Variants in DNAJC8 observed in about 807,000 individuals in gnomAD.
The protein encoded by DNAJC8 is DnaJ heat shock protein family (Hsp40) member C8.
DNAJC8 carries 24 observed loss-of-function variants against 43.2 expected under a neutral mutation model. The ratio of observed to expected loss-of-function variants is 0.56; its 90% CI spans 0.40 to 0.78. The LOEUF (loss-of-function observed/expected upper bound fraction) is 0.78. DNAJC8 is among the 30% of genes least tolerant of loss of function. The pLI, the probability that DNAJC8 is intolerant of heterozygous loss-of-function variation, is 0.00. For synonymous variants in DNAJC8, 83 were observed against 98.0 expected, an observed-to-expected ratio of 0.85 and a Z score of 0.90; for missense variants, 207 against 299.4, an observed-to-expected ratio of 0.69 and a Z score of 2.28.
At chr1:28,209,212 C>T (rs1335197496) in intron 5 of DNAJC8, among the ~76,000 whole-genome samples, 9 of 152,144 alleles carry the variant, frequency 5.9e-5, no homozygotes, top group Non-Finnish European at 1.5e-5. Flanking sequence ...TAGTTATGGG[C>T]CCTTTGTCTC....
intron 5 of DNAJC8, 143 bp downstream of exon 5, chr1:28,209,829 A>G: frequency 1.5e-6 from 1 of 669,658 alleles, no homozygotes; most frequent in Non-Finnish European, 2.6e-6. Flanking sequence ...ACTATTCATG[A>G]CCACCACAGC....
chr1:28,212,216 A>ATAT (rs1557708051), intron 3 of DNAJC8, among the ~76,000 whole-genome samples: 34 of 71,670 alleles, frequency 4.7e-4, no homozygotes, highest in African/African-American at 1.2e-3. Flanking sequence ...TATATATATA[A>ATAT]ATGAAATTAA....
At chr1:28,211,712 G>C (rs929957556) in intron 3 of DNAJC8, among the ~76,000 whole-genome samples, 7 of 152,154 alleles carry the variant, frequency 4.6e-5, no homozygotes, top group African/African-American at 1.7e-4. Context: ...TGATCGTAGG[G>C]AATTAGCCCT....
At chr1:28,230,979 T>C (rs1193571856) in intron 1 of DNAJC8, among the ~76,000 whole-genome samples, 1 of 152,254 alleles carries the variant, frequency 6.6e-6, no homozygotes, top group African/African-American at 2.4e-5. Flanking sequence ...TCCCATCTTC[T>C]GCCTTGTTTA....
Position 28,209,998 on chromosome 1 carries a change from C to A in DNAJC8, c.373G>T (p.Ala125Ser). The change falls in exon 5 of 9, where the codon GCA (alanine) becomes TCA (serine). Residue 125 changes from alanine to serine, a missense_variant. Physicochemically the swap from Ala to Ser is moderately conservative, Grantham distance 99. Transcript: ENST00000263697. ...QKKRALDVIQ[A>S]GKEYVEHTVK... is the part of the protein sequence containing the mutation. ...GTGTGTTCCACGTATTCTTTTCCTG[C>A]CTGAATTACATCCAGGGCCCTCTTC... 6.2e-7 allele frequency: 1 copy of A among 1,614,014 alleles called. No homozygotes were observed. Among genetic ancestry groups the A allele is most frequent in the Non-Finnish European group, 8.5e-7 (1 of 1,179,914 alleles).
chr1:28,227,712 G>C (rs2149024604), intron 2 of DNAJC8, among the ~76,000 whole-genome samples: 1 of 152,188 alleles, frequency 6.6e-6, no homozygotes, highest in African/African-American at 2.4e-5. Context: ...CGAGTTCTAA[G>C]CCAGCCTGGG....
chr1:28,201,407 C>T (rs1158814557), intron 8 of DNAJC8, 37 bp from the exon 9 acceptor site: 3 of 1,612,554 alleles, frequency 1.9e-6, no homozygotes, highest in Middle Eastern at 1.7e-4. Flanking sequence ...GGAGACCAGT[C>T]AATGAGTGGA....
Position 28,201,307 on chromosome 1 carries a change from C to G in DNAJC8, c.703G>C (p.Glu235Gln), listed in dbSNP as rs1424852881. 3 of 1,613,248 alleles carry G rather than the reference C, an allele frequency of 1.9e-6. No homozygotes were observed. In the South Asian group the frequency reaches 3.3e-5, roughly 18 times the overall value. ...CTCAGGAAGGTCCGATTTTTCTTCTCTTTCTTCCCCTTCGTATTGGCTTGG... is the reference window on the plus strand; with the variant it reads ...CTCAGGAAGGTCCGATTTTTCTTCTGTTTCTTCCCCTTCGTATTGGCTTGG... ...NFQANTKGKKEKKNRTFLRPP... is the reference protein window; with the variant it reads ...NFQANTKGKKQKKNRTFLRPP... The change falls in exon 9 of 9, where the codon GAG becomes CAG. Residue 235 changes from glutamate (E) to glutamine (Q), a missense_variant. This residue lies in a region of DNAJC8 where 159 missense variants were observed against 267.5 expected (regional missense o/e 0.59). Coordinates refer to ENST00000263697, the MANE Select transcript of DNAJC8 (RefSeq NM_014280.3).
intron 2 of DNAJC8, among the ~76,000 whole-genome samples, chr1:28,219,013 C>G (rs1393310879): frequency 6.6e-6 from 1 of 152,078 alleles, no homozygotes; most frequent in Non-Finnish European, 1.5e-5. Flanking sequence ...TGAGAAAGAA[C>G]AGAAATTGTC....
chr1:28,201,801 AAAG>A (rs1646735569), intron 8 of DNAJC8, among the ~76,000 whole-genome samples: 3 of 150,654 alleles, frequency 2.0e-5, no homozygotes, highest in African/African-American at 4.9e-5. Context: ...AAAAAAAAAA[AAAG>A]AAAAGAAAAA....
intron 6 of DNAJC8, among the ~76,000 whole-genome samples, chr1:28,207,206 C>T (rs1201939836): frequency 1.3e-5 from 2 of 151,654 alleles, no homozygotes; most frequent in Admixed American, 6.6e-5. Flanking sequence ...GATGACATCC[C>T]GTCTCTATTA....
intron 7 of DNAJC8, among the ~76,000 whole-genome samples, chr1:28,204,611 C>T (rs921194473): frequency 6.6e-6 from 1 of 152,220 alleles, no homozygotes; most frequent in African/African-American, 2.4e-5. Flanking sequence ...GTACTATACA[C>T]TCACCAAAGC....
chr1:28,212,214 T>TATATATATATATATAA (rs1553167928), intron 3 of DNAJC8, among the ~76,000 whole-genome samples: 1 of 113,572 alleles, frequency 8.8e-6, no homozygotes, highest in African/African-American at 3.5e-5. Context: ...TATATATATA[T>TATATATATATATATAA]AAATGAAATT....
At chr1:28,229,634 G>A (rs552472977) in intron 1 of DNAJC8, among the ~76,000 whole-genome samples, 1 of 152,030 alleles carries the variant, frequency 6.6e-6, no homozygotes, top group African/African-American at 2.4e-5. Flanking sequence ...AATTAGCTGG[G>A]CATGGTGGCA....
At chr1:28,213,506 T>C (rs1646829443) in intron 3 of DNAJC8, among the ~76,000 whole-genome samples, 1 of 151,918 alleles carries the variant, frequency 6.6e-6, no homozygotes, top group African/African-American at 2.4e-5. Context: ...GTCAGCAATA[T>C]GGGGAAAATT....
chr1:28,211,016 A>AT (rs1646806762), intron 3 of DNAJC8, among the ~76,000 whole-genome samples: 1 of 151,604 alleles, frequency 6.6e-6, no homozygotes, highest in Non-Finnish European at 1.5e-5. Context: ...CAAAAAAAAA[A>AT]TTTTTTAATT....
intron 2 of DNAJC8, among the ~76,000 whole-genome samples, chr1:28,215,630 G>A (rs577246443): frequency 7.3e-5 from 11 of 150,884 alleles, no homozygotes; most frequent in South Asian, 4.2e-4. Context: ...CTCCACCTCC[G>A]CGGTTCAAGC....
At chr1:28,224,609 G>A (rs1048422385) in intron 2 of DNAJC8, among the ~76,000 whole-genome samples, 3 of 152,076 alleles carry the variant, frequency 2.0e-5, no homozygotes, top group Non-Finnish European at 2.9e-5. Context: ...CACGCCAGGT[G>A]TGGTGGCTCA....
In DNAJC8 at chr1:28,208,592, T is replaced by C. The variant is rs1029647559; in HGVS notation, c.400-179A>G. ...AAAGAACAACAGAATCAAGGAAAAT[T>C]AGGAACCACAAGTCCTTTTTCTAAT... On this transcript the variant is annotated intron_variant, in intron 5 of 8. Coordinates refer to ENST00000263697, the MANE Select transcript of DNAJC8 (RefSeq NM_014280.3). 10 of 382,824 alleles carry C rather than the reference T, an allele frequency of 2.6e-5. No individual in the cohort carries two copies. The South Asian group carries it at 4.3e-4, about 17-fold the overall frequency. The allele number at this position is 382,824 out of a possible 1,614,324, so 23.7% of individuals were successfully genotyped here.
Sources: allele counts gnomAD v4.1 joint callset (sites outside exome capture counted in the v4.1 genomes callset), GRCh38; gene constraint gnomAD v4.1.1; regional missense constraint gnomAD v4.1.1; transcripts MANE v1.5; gene names NCBI Gene and HGNC (gene_info 2026-07-23, HGNC 2026-07-21).